TAFA1: variants seen among roughly 807,000 people sequenced by gnomAD.
TAFA1 encodes the protein chemokine-like protein TAFA-1.
TAFA1 carries 4 observed loss-of-function variants against 18.5 expected under a neutral mutation model. The observed-to-expected ratio is 0.22, with a 90% CI of 0.11 to 0.49. TAFA1 has a LOEUF of 0.49. Ranked by LOEUF, TAFA1 falls within the 20% of genes least tolerant of loss-of-function variation. The pLI, the probability that TAFA1 is intolerant of heterozygous loss-of-function variation, is 0.98. For missense variants in TAFA1, 147 were observed against 169.0 expected, an observed-to-expected ratio of 0.87 and a Z score of 0.72; for synonymous variants, 56 against 55.2, an observed-to-expected ratio of 1.01 and a Z score of -0.06.
intron 3 of TAFA1, among the ~76,000 whole-genome samples, chr3:68,440,290 C>T (rs1408981034): frequency 1.3e-5 from 2 of 152,284 alleles, no homozygotes; most frequent in East Asian, 3.9e-4. Context: ...CCTCCCCAGC[C>T]ACACAGAACT....
At chr3:68,116,112 T>A (rs917110007) in intron 2 of TAFA1, among the ~76,000 whole-genome samples, 3 of 151,836 alleles carry the variant, frequency 2.0e-5, no homozygotes, top group Non-Finnish European at 4.4e-5. Context: ...AAAATTAGCC[T>A]GGCATGGTGG....
intron 2 of TAFA1, among the ~76,000 whole-genome samples, chr3:68,289,133 C>G (rs2068067480): frequency 6.6e-6 from 1 of 152,172 alleles, no homozygotes; most frequent in African/African-American, 2.4e-5. Flanking sequence ...CTGTTCATGT[C>G]TCTAACCCAT....
chr3:68,449,642 T>C (rs1385289058), intron 3 of TAFA1, among the ~76,000 whole-genome samples: 1 of 152,214 alleles, frequency 6.6e-6, no homozygotes, highest in Non-Finnish European at 1.5e-5. Flanking sequence ...ATATTGCACA[T>C]GGCATCTGAG....
At position 68,311,819 on chromosome 3, in the gene TAFA1, G is replaced by A. The variant is rs371241596; in HGVS notation, c.119-105461G>A. Among the ~76,000 whole-genome samples the A allele has an allele frequency of 2.0e-3, 301 of 152,314 alleles. 1 individual carries two copies. The highest frequency in any genetic ancestry group is 6.8e-3 in the African/African-American group (283 of 41,574). On this transcript the variant is annotated intron_variant, in intron 2 of 4. Coordinates refer to ENST00000478136, the MANE Select transcript of TAFA1 (RefSeq NM_213609.4). ...GGAGGACGGTGGCCCTCTTCTCACAGCTCCACTAGGAGTGCCCCACTAGGG... is the reference window on the plus strand; with the variant it reads ...GGAGGACGGTGGCCCTCTTCTCACAACTCCACTAGGAGTGCCCCACTAGGG...
intron 3 of TAFA1, among the ~76,000 whole-genome samples, chr3:68,449,738 A>T (rs1262070196): frequency 6.6e-6 from 1 of 151,978 alleles, no homozygotes; most frequent in Non-Finnish European, 1.5e-5. Flanking sequence ...TGCTGAGCCC[A>T]CATGAGTGTG....
chr3:68,143,495 A>G (rs192518929), intron 2 of TAFA1, among the ~76,000 whole-genome samples: 143 of 152,264 alleles, frequency 9.4e-4, no homozygotes, highest in Non-Finnish European at 1.3e-3. Context: ...AAATTTATCA[A>G]CTTCAGCATA....
chr3:68,483,153 G>A (rs995488468), intron 3 of TAFA1, among the ~76,000 whole-genome samples: 4 of 152,166 alleles, frequency 2.6e-5, no homozygotes, highest in African/African-American at 7.2e-5. Context: ...CCACAGAATG[G>A]GAGTAAGGAA....
intron 2 of TAFA1, among the ~76,000 whole-genome samples, chr3:68,111,475 C>T (rs1258785566): frequency 1.3e-5 from 2 of 151,798 alleles, no homozygotes; most frequent in African/African-American, 2.4e-5. Context: ...CAGAGAGAAA[C>T]TTAAAGAATT....
rs527884135 is a variant in TAFA1 at position 68,048,475 on chromosome 3, T to G, written c.118+41731T>G. ...CAAATAATCCAATTATACCCTTTAA[T>G]TATTTTCAAATATATAATATATTAT... is the stretch of plus-strand genomic sequence containing the variant. On this transcript the variant is annotated intron_variant, in intron 2 of 4. Transcript: ENST00000478136. 5.9e-5 allele frequency among the ~76,000 whole-genome samples: 9 copies of G among 152,214 alleles called. 1 individual carries two copies. The highest frequency in any genetic ancestry group is 1.7e-4 in the African/African-American group (7 of 41,540).
intron 2 of TAFA1, among the ~76,000 whole-genome samples, chr3:68,406,031 A>G (rs1303058316): frequency 2.0e-5 from 3 of 152,134 alleles, no homozygotes; most frequent in Non-Finnish European, 2.9e-5. Flanking sequence ...TGCTTACAGT[A>G]TCCGTTAAAT....
At chr3:68,500,101 C>G (rs1413710708) in intron 3 of TAFA1, among the ~76,000 whole-genome samples, 1 of 151,902 alleles carries the variant, frequency 6.6e-6, no homozygotes, top group East Asian at 1.9e-4. Context: ...TGACATGGCT[C>G]TAAACAACTC....
At chr3:68,419,561 A>G (rs1036185179) in intron 3 of TAFA1, among the ~76,000 whole-genome samples, 20 of 152,184 alleles carry the variant, frequency 1.3e-4, no homozygotes, top group African/African-American at 4.8e-4. Context: ...CATAATTTAG[A>G]GCTGGGTGTA....
intron 3 of TAFA1, among the ~76,000 whole-genome samples, chr3:68,533,384 G>A (rs994559048): frequency 6.6e-6 from 1 of 152,088 alleles, no homozygotes; most frequent in East Asian, 1.9e-4. Flanking sequence ...GAACAGTATG[G>A]GGGAAACCGC....
intron 2 of TAFA1, among the ~76,000 whole-genome samples, chr3:68,230,869 T>C (rs536749479): frequency 6.6e-6 from 1 of 152,312 alleles, no homozygotes; most frequent in East Asian, 1.9e-4. Flanking sequence ...TCTCTGATAT[T>C]AGTGATGTTG....
intron 2 of TAFA1, among the ~76,000 whole-genome samples, chr3:68,014,169 A>T (rs564300886): frequency 6.6e-6 from 1 of 152,318 alleles, no homozygotes; most frequent in Admixed American, 6.5e-5. Flanking sequence ...TGATTCACAT[A>T]CTTTCAAGTG....
chr3:68,274,347 A>G (rs983581081), intron 2 of TAFA1, among the ~76,000 whole-genome samples: 1 of 152,216 alleles, frequency 6.6e-6, no homozygotes, highest in Non-Finnish European at 1.5e-5. Flanking sequence ...TCCAAACCCC[A>G]TCCAACATTT....
At chr3:68,370,417 T>TACACACACACAC (rs36170007) in intron 2 of TAFA1, among the ~76,000 whole-genome samples, 2 of 80,260 alleles carry the variant, frequency 2.5e-5, no homozygotes, top group African/African-American at 9.9e-5. Flanking sequence ...CATATATATG[T>TACACACACACAC]ACACACACAC....
intron 2 of TAFA1, among the ~76,000 whole-genome samples, chr3:68,094,220 A>C (rs559356296): frequency 1.3e-5 from 2 of 152,118 alleles, no homozygotes; most frequent in Non-Finnish European, 2.9e-5. Context: ...CTCTAATTCC[A>C]TCCATCATGA....
intron 2 of TAFA1, among the ~76,000 whole-genome samples, chr3:68,097,242 T>C (rs1208673574): frequency 6.6e-6 from 1 of 152,166 alleles, no homozygotes; most frequent in Non-Finnish European, 1.5e-5. Flanking sequence ...TCAGCTTCAT[T>C]AACATACGTT....
Sources: allele counts gnomAD v4.1 joint callset (sites outside exome capture counted in the v4.1 genomes callset), GRCh38; gene constraint gnomAD v4.1.1; transcripts MANE v1.5; gene names NCBI Gene and HGNC (gene_info 2026-07-23, HGNC 2026-07-21).